The following CTNNA2 variants were observed in gnomAD, a reference collection of about 807,000 sequenced individuals.
CTNNA2 encodes catenin alpha 2, also known as catenin alpha-2.
A neutral mutation model predicts 101.0 loss-of-function variants in CTNNA2; 42 were observed. The ratio of observed to expected loss-of-function variants is 0.42; its 90% CI spans 0.32 to 0.54. CTNNA2 has a LOEUF of 0.54. Among genes scored for constraint, CTNNA2 ranks in the 20% least tolerant of loss-of-function variants. The pLI is 0.14. For synonymous variants in CTNNA2, 450 were observed against 456.4 expected (o/e 0.99, Z 0.18); for missense variants, 871 against 1,223.1 (o/e 0.71, Z 4.29).
At chr2:79,350,881 A>G (rs1268976727) in intron 3 of CTNNA2, among the ~76,000 whole-genome samples, 23 of 152,130 alleles carry the variant, frequency 1.5e-4, no homozygotes, top group Non-Finnish European at 1.5e-5. Context: ...CATTTCTCTG[A>G]TGGTTAGCGA....
At chr2:79,526,322 A>T (rs1246687209) in intron 1 of CTNNA2, among the ~76,000 whole-genome samples, 5 of 152,064 alleles carry the variant, frequency 3.3e-5, no homozygotes, top group Non-Finnish European at 7.4e-5. Flanking sequence ...GCTACAAAAT[A>T]TCATGAAAAG....
intron 3 of CTNNA2, among the ~76,000 whole-genome samples, chr2:79,835,665 T>C (rs1209203336): frequency 2.0e-5 from 2 of 98,958 alleles, no homozygotes; most frequent in Non-Finnish European, 4.0e-5. Context: ...GGCCTCTCTT[T>C]GTTTTTTTTT....
intron 4 of CTNNA2, among the ~76,000 whole-genome samples, chr2:79,453,954 T>C (rs748498357): frequency 6.6e-6 from 1 of 152,172 alleles, no homozygotes; most frequent in Non-Finnish European, 1.5e-5. Context: ...TAAAGACTTC[T>C]GGTGCTAAAA....
At chr2:80,527,511 C>T (rs1354793473) in intron 9 of CTNNA2, among the ~76,000 whole-genome samples, 1 of 152,154 alleles carries the variant, frequency 6.6e-6, no homozygotes, top group African/African-American at 2.4e-5. Context: ...TCAGTTTTAC[C>T]TGAAATCTGC....
chr2:79,577,738 G>T (rs71424887), intron 1 of CTNNA2, among the ~76,000 whole-genome samples: 139 of 152,112 alleles, frequency 9.1e-4, no homozygotes, highest in Non-Finnish European at 1.5e-3. Flanking sequence ...TTAAGGTGTT[G>T]CCAACTCAAT....
intron 4 of CTNNA2, among the ~76,000 whole-genome samples, chr2:79,392,221 A>G (rs1678182048): frequency 6.6e-6 from 1 of 152,190 alleles, no homozygotes; most frequent in South Asian, 2.1e-4. Flanking sequence ...TGCTTCTCAC[A>G]CTTCAGTATG....
intron 7 of CTNNA2, chr2:80,029,355 G>A (rs1008334153): frequency 1.3e-5 from 2 of 152,178 alleles, no homozygotes; most frequent in African/African-American, 4.8e-5. Flanking sequence ...GCAGGTGAAA[G>A]GGAGGGTGGA....
chr2:79,190,058 C>G (rs539408611), intron 1 of CTNNA2, among the ~76,000 whole-genome samples: 1 of 152,222 alleles, frequency 6.6e-6, no homozygotes, highest in African/African-American at 2.4e-5. Context: ...TAGCTGCAAA[C>G]CATAAGTTTT....
chr2:80,252,908 C>T (rs1044279334), intron 7 of CTNNA2, among the ~76,000 whole-genome samples: 1 of 152,032 alleles, frequency 6.6e-6, no homozygotes, highest in Non-Finnish European at 1.5e-5. Context: ...TTTTAAATTT[C>T]ATTTATCAGG....
intron 9 of CTNNA2, among the ~76,000 whole-genome samples, chr2:80,466,058 C>T (rs1684825643): frequency 6.6e-6 from 1 of 152,142 alleles, no homozygotes; most frequent in Non-Finnish European, 1.5e-5. Context: ...TCCTGCCTGA[C>T]CTTTTCTTCC....
At chr2:79,980,466 A>G (rs545083998) in intron 7 of CTNNA2, among the ~76,000 whole-genome samples, 1 of 152,170 alleles carries the variant, frequency 6.6e-6, no homozygotes, top group African/African-American at 2.4e-5. Context: ...TGCAAAAATT[A>G]GGCTCTTAGT....
At chr2:80,428,694 A>C (rs1681211656) in intron 9 of CTNNA2, among the ~76,000 whole-genome samples, 2 of 152,190 alleles carry the variant, frequency 1.3e-5, no homozygotes, top group African/African-American at 4.8e-5. Flanking sequence ...TAAATGTAAG[A>C]GTTTTGTATG....
chr2:80,200,278 A>G (rs988448544), intron 7 of CTNNA2, among the ~76,000 whole-genome samples: 1 of 152,210 alleles, frequency 6.6e-6, no homozygotes, highest in African/African-American at 2.4e-5. Context: ...GATGAGAAAC[A>G]GACTCTGAAT....
At chr2:80,391,153 T>C (rs1677476858) in intron 7 of CTNNA2, among the ~76,000 whole-genome samples, 1 of 150,754 alleles carries the variant, frequency 6.6e-6, no homozygotes, top group South Asian at 2.1e-4. Context: ...AAAAAAAGTA[T>C]GTATTACATT....
At chr2:80,042,166 T>C (rs1256780028) in intron 7 of CTNNA2, among the ~76,000 whole-genome samples, 1 of 152,210 alleles carries the variant, frequency 6.6e-6, no homozygotes, top group Non-Finnish European at 1.5e-5. Context: ...CGTTTCACCA[T>C]GTTGACCAGG....
At chr2:79,647,631 A>G (rs1680914844) in intron 1 of CTNNA2, among the ~76,000 whole-genome samples, 1 of 152,204 alleles carries the variant, frequency 6.6e-6, no homozygotes, top group African/African-American at 2.4e-5. Context: ...CCTGCTACCT[A>G]GAACAATGCC....
chr2:80,624,310 T>C (rs1434822531), intron 18 of CTNNA2, among the ~76,000 whole-genome samples: 1 of 152,074 alleles, frequency 6.6e-6, no homozygotes, highest in Admixed American at 6.6e-5. Flanking sequence ...CCATGCAGTA[T>C]ATGACCTATA....
chr2:79,350,152 T>C (rs1420251814), intron 3 of CTNNA2, among the ~76,000 whole-genome samples: 2 of 151,918 alleles, frequency 1.3e-5, no homozygotes, highest in African/African-American at 4.8e-5. Context: ...TTATTTCAGA[T>C]TCATAGGGTA....
intron 7 of CTNNA2, among the ~76,000 whole-genome samples, chr2:80,310,846 G>A (rs1052745986): frequency 3.3e-5 from 5 of 151,832 alleles, no homozygotes; most frequent in African/African-American, 7.3e-5. Context: ...GGTGACGGGC[G>A]CCTGTAATCC....
Sources: allele counts gnomAD v4.1 joint callset (sites outside exome capture counted in the v4.1 genomes callset), GRCh38; gene constraint gnomAD v4.1.1; transcripts MANE v1.5; gene names NCBI Gene and HGNC (gene_info 2026-07-23, HGNC 2026-07-21).